Variants in CREBZF observed in about 807,000 individuals in gnomAD.
CREBZF encodes the protein HCF-binding transcription factor Zhangfei.
In CREBZF, 8 loss-of-function variants were observed where a neutral mutation model predicts 21.1. That is an observed-to-expected ratio of 0.38 (90% confidence interval 0.22 to 0.68). The LOEUF (loss-of-function observed/expected upper bound fraction) is 0.68. CREBZF is among the 30% of genes least tolerant of loss of function. The pLI, the probability that CREBZF is intolerant of heterozygous loss-of-function variation, is 0.51. For synonymous variants in CREBZF, 270 were observed against 223.3 expected (o/e 1.21, Z -1.86); for missense variants, 518 against 484.3 (o/e 1.07, Z -0.65).
intron 1 of CREBZF, among the ~76,000 whole-genome samples, chr11:85,680,952 G>A (rs1055153930): frequency 2.6e-5 from 4 of 152,140 alleles, no homozygotes; most frequent in African/African-American, 7.2e-5. Context: ...AGGTAGTCCC[G>A]TCCACTATGT....
At chr11:85,665,233 A>G (rs535906663), upstream of CREBZF, 84 of 268,592 alleles carry the variant, frequency 3.1e-4, 2 homozygotes, top group South Asian at 0.013. Flanking sequence ...CCAGCTTTCT[A>G]GTGATGTCAT....
chr11:85,661,519 GA>G lies in CREBZF; in HGVS notation c.*2291del, dbSNP rs1283717318. 1 of 152,500 alleles carries G rather than the reference GA, an allele frequency of 6.6e-6. No homozygotes were observed. The highest frequency in any genetic ancestry group is 6.5e-5 in the Admixed American group (1 of 15,288). 9.4% of individuals were successfully genotyped at this position (152,500 alleles called of 1,614,324 possible). A position where few individuals can be genotyped will look rare whatever the true frequency, so the allele number is the denominator to read the frequency against. ...TGGAATTTCAAAGTATCTCAATTCAGAAAGCTTTGACTACTGTTTCTCCCCA... is the reference window on the plus strand; with the variant it reads ...TGGAATTTCAAAGTATCTCAATTCAGAAGCTTTGACTACTGTTTCTCCCCA... On this transcript the variant is annotated 3_prime_UTR_variant, in exon 1 of 1. Coordinates refer to ENST00000527447, the MANE Select transcript of CREBZF (RefSeq NM_001039618.4).
At chr11:85,674,668 T>C (rs2082931555) in intron 1 of CREBZF, among the ~76,000 whole-genome samples, 1 of 152,226 alleles carries the variant, frequency 6.6e-6, no homozygotes. Context: ...TTAGAGGGCA[T>C]CTTCTTCCAA....
At position 85,660,009 on chromosome 11, in the gene CREBZF, T is replaced by TC. The variant is rs1406856670; in HGVS notation, c.*3801dup. On this transcript the variant is annotated 3_prime_UTR_variant, in exon 1 of 1. Coordinates refer to ENST00000527447, the MANE Select transcript of CREBZF (RefSeq NM_001039618.4). ...ACACATTTAATCATAATCAACTTTT[T>TC]CAAAGATATACAAATCAATGCATCT... 2 of 152,130 alleles carry TC rather than the reference T, an allele frequency of 1.3e-5. No homozygotes were observed. Among genetic ancestry groups the TC allele is most frequent in the Admixed American group, 1.3e-4 (2 of 15,274 alleles). The allele number at this position is 152,130 out of a possible 1,614,324, so 9.4% of individuals were successfully genotyped here. A position where few individuals can be genotyped will look rare whatever the true frequency, so the allele number is the denominator to read the frequency against.
chr11:85,676,919 C>T (rs532174646), intron 1 of CREBZF, among the ~76,000 whole-genome samples: 28 of 147,712 alleles, frequency 1.9e-4, no homozygotes, highest in African/African-American at 6.2e-4. Flanking sequence ...GCTGGAATTA[C>T]AGGTGTGAGC....
rs2082582742 is a variant in CREBZF, at chr11:85,658,570, A to C, written c.*5241T>G. Among the ~76,000 whole-genome samples the C allele has an allele frequency of 6.6e-6, 1 of 152,082 alleles. No individual in the cohort carries two copies. The highest frequency in any genetic ancestry group is 1.9e-4 in the East Asian group (1 of 5,182). On this transcript the variant is annotated 3_prime_UTR_variant, in exon 1 of 1. Coordinates refer to ENST00000527447, the MANE Select transcript of CREBZF (RefSeq NM_001039618.4). ...CACCTGAAGTAAACTACCCTCAATC[A>C]ATTTTTATATTTCAGTCTAGTCACT... is the stretch of plus-strand genomic sequence containing the variant.
At chr11:85,671,930 G>A (rs1315500161) in intron 1 of CREBZF, among the ~76,000 whole-genome samples, 2 of 152,264 alleles carry the variant, frequency 1.3e-5, no homozygotes, top group Non-Finnish European at 2.9e-5. Context: ...GTGCCCCAGT[G>A]TGGACTCTGT....
At position 85,664,723 on chromosome 11, in the gene CREBZF, G is replaced by A. The variant is rs202034007; in HGVS notation, c.153C>T (p.Pro51=). The change falls in exon 1 of 1, where the codon CCC becomes CCT. Residue 51 remains proline, a synonymous_variant. Transcript: ENST00000527447. This position sits in a 1 kb window ranked among gnomAD's most constrained non-coding sequence, Gnocchi z 5.5. ...CGTCGCCAAACTGCTGCTTGCGGCCGGGAGATCCGGCCGCCGCCGTCTCCT... is the reference window on the plus strand; with the variant it reads ...CGTCGCCAAACTGCTGCTTGCGGCCAGGAGATCCGGCCGCCGCCGTCTCCT... ...GEEETAAAGS[P]GRKQQFGDEG... is the part of the protein sequence containing the mutation. 389 of 1,605,604 alleles carry A rather than the reference G, an allele frequency of 2.4e-4. No homozygotes were observed. The highest frequency in any genetic ancestry group is 3.2e-4 in the Non-Finnish European group (373 of 1,177,394).
Position 85,664,696 on chromosome 11 carries a change from T to A in CREBZF, c.180A>T (p.Glu60Asp). 6.2e-7 allele frequency: 1 copy of A among 1,604,088 alleles called. No homozygotes were observed. The highest frequency in any genetic ancestry group is 8.5e-7 in the Non-Finnish European group (1 of 1,176,274). The part of the protein sequence containing the change: ...SPGRKQQFGD[E>D]GELEAGRGSR... ...TCCCCCTCCCGGCTTCCAACTCTCC[T>A]TCGTCGCCAAACTGCTGCTTGCGGC... is the stretch of plus-strand genomic sequence containing the variant. The change falls in exon 1 of 1, where the codon GAA (glutamate) becomes GAT (aspartate). Residue 60 changes from glutamate (E) to aspartate (D), a missense_variant. By Grantham distance (45) the Glu-to-Asp change is conservative (BLOSUM62 2). Transcript: ENST00000527447. The surrounding 1 kb of genome is among the most constrained non-coding windows in gnomAD (Gnocchi z 5.5).
chr11:85,672,663 T>A (rs2082919704), intron 1 of CREBZF, among the ~76,000 whole-genome samples: 3 of 152,216 alleles, frequency 2.0e-5, no homozygotes, highest in Admixed American at 6.5e-5. Flanking sequence ...GAGGGAGGTT[T>A]CAGTTCCTCC....
rs1204160430 is a variant in CREBZF, at chr11:85,659,565, A to C, written c.*4246T>G. On this transcript the variant is annotated 3_prime_UTR_variant, in exon 1 of 1. Transcript: ENST00000527447. ...TACAATAACCAACTGTATATTTATT[A>C]TGAAGTAAAAGCCAATCTCCTACCC... 2.0e-5 allele frequency: 3 copies of C among 152,102 alleles called. No individual in the cohort carries two copies. Among genetic ancestry groups the C allele is most frequent in the Non-Finnish European group, 4.4e-5 (3 of 67,946 alleles). 9.4% of individuals were successfully genotyped at this position (152,102 alleles called of 1,614,324 possible). A position where few individuals can be genotyped will look rare whatever the true frequency, so the allele number is the denominator to read the frequency against.
chr11:85,672,825 C>A (rs1246147302), intron 1 of CREBZF, among the ~76,000 whole-genome samples: 2 of 152,138 alleles, frequency 1.3e-5, no homozygotes, highest in African/African-American at 4.8e-5. Flanking sequence ...TTCTTTTGGT[C>A]ACATGAGTCA....
chr11:85,662,134 C>T lies in CREBZF; in HGVS notation c.*1677G>A. ...TCAAGTGCAGTAGTAGATGATTTTACAAAATATGCTGTGATGCACTGGAAA... is the reference window on the plus strand; with the variant it reads ...TCAAGTGCAGTAGTAGATGATTTTATAAAATATGCTGTGATGCACTGGAAA... On this transcript the variant is annotated 3_prime_UTR_variant, in exon 1 of 1. Coordinates refer to ENST00000527447, the MANE Select transcript of CREBZF (RefSeq NM_001039618.4). 2.4e-6 allele frequency: 1 copy of T among 423,112 alleles called. No homozygotes were observed. Among genetic ancestry groups the T allele is most frequent in the South Asian group, 3.0e-5 (1 of 33,884 alleles). The allele number at this position is 423,112 out of a possible 1,614,324, so 26.2% of individuals were successfully genotyped here.
Position 85,664,230 on chromosome 11 carries a change from C to G in CREBZF, c.646G>C (p.Ala216Pro). Reference protein sequence around the residue: ...ATKSPRKAAAAAARLNRLKKK... With the variant: ...ATKSPRKAAAPAARLNRLKKK... ...TTCAGTCGATTAAGGCGGGCAGCGGCCGCCGCCGCCTTCCGGGGACTCTTT... is the reference window on the plus strand; with the variant it reads ...TTCAGTCGATTAAGGCGGGCAGCGGGCGCCGCCGCCTTCCGGGGACTCTTT... Residue 216 changes from alanine to proline, a missense_variant, in exon 1 of 1, where the codon GCC (alanine) becomes CCC (proline). Ala to Pro is a conservative substitution (Grantham distance 27). Transcript: ENST00000527447. This position sits in a 1 kb window ranked among gnomAD's most constrained non-coding sequence, Gnocchi z 5.5. The G allele has an allele frequency of 1.2e-6, 2 of 1,612,442 alleles. No homozygotes were observed. The highest frequency in any genetic ancestry group is 1.7e-6 in the Non-Finnish European group (2 of 1,179,754).
upstream of CREBZF, among the ~76,000 whole-genome samples, chr11:85,666,449 T>C (rs1238294395): frequency 6.6e-6 from 1 of 152,236 alleles, no homozygotes; most frequent in Admixed American, 6.5e-5. Flanking sequence ...TGAATTGGGC[T>C]AAAAATTGTT....
At position 85,665,085 on chromosome 11, in the gene CREBZF, C is replaced by G; in HGVS notation, c.-210G>C. On this transcript the variant is annotated 5_prime_UTR_variant, in exon 1 of 1. Coordinates refer to ENST00000527447, the MANE Select transcript of CREBZF (RefSeq NM_001039618.4). ...GGGAGAACGAAGCGGTGAGGCCCTGCGATGACTCGACCGCGCCACCCAGAC... is the reference window on the plus strand; with the variant it reads ...GGGAGAACGAAGCGGTGAGGCCCTGGGATGACTCGACCGCGCCACCCAGAC... The G allele has an allele frequency of 2.3e-6, 1 of 426,104 alleles. No individual in the cohort carries two copies. Among genetic ancestry groups the G allele is most frequent in the Non-Finnish European group, 4.2e-6 (1 of 235,574 alleles). 26.4% of individuals were successfully genotyped at this position (426,104 alleles called of 1,614,324 possible). A position where few individuals can be genotyped will look rare whatever the true frequency, so the allele number is the denominator to read the frequency against.
At chr11:85,669,587 T>G (rs1441528855), upstream of CREBZF, among the ~76,000 whole-genome samples, 1 of 152,192 alleles carries the variant, frequency 6.6e-6, no homozygotes, top group Non-Finnish European at 1.5e-5. Flanking sequence ...TACAGAGATT[T>G]GTTAAAGGGT....
upstream of CREBZF, among the ~76,000 whole-genome samples, chr11:85,669,038 A>AAAAAAAAAC (rs2082892670): frequency 7.8e-6 from 1 of 128,706 alleles, no homozygotes; most frequent in Non-Finnish European, 1.6e-5. Context: ...AAAAAAAAAA[A>AAAAAAAAAC]AAAGAAACAT....
intron 1 of CREBZF, among the ~76,000 whole-genome samples, chr11:85,676,907 G>A (rs1188046266): frequency 1.4e-5 from 2 of 147,788 alleles, no homozygotes; most frequent in Non-Finnish European, 3.0e-5. Flanking sequence ...GCCTCCCAAA[G>A]TGCTGGAATT....
Sources: allele counts gnomAD v4.1 joint callset (sites outside exome capture counted in the v4.1 genomes callset), GRCh38; gene constraint gnomAD v4.1.1; non-coding constraint Gnocchi (gnomAD v3.1); transcripts MANE v1.5; gene names NCBI Gene and HGNC (gene_info 2026-07-23, HGNC 2026-07-21).